The following MLLT3 variants were observed in gnomAD, a reference collection of about 807,000 sequenced individuals.
MLLT3 encodes the protein protein AF-9.
A neutral mutation model predicts 53.2 loss-of-function variants in MLLT3; 4 were observed. The observed-to-expected ratio is 0.08, with a 90% CI of 0.04 to 0.17. MLLT3 has a LOEUF of 0.17. Ranked by LOEUF, MLLT3 falls within the 10% of genes least tolerant of loss-of-function variation. The probability of loss-of-function intolerance (pLI) is 1.00; values close to 1 mark genes in which losing one functional copy is unlikely to be tolerated. For synonymous variants in MLLT3, 283 were observed against 230.6 expected, an observed-to-expected ratio of 1.23 and a Z score of -2.06; for missense variants, 569 against 684.0, an observed-to-expected ratio of 0.83 and a Z score of 1.87.
Position 20,454,610 on chromosome 9 carries a change from A to C in MLLT3, c.276+2094T>G, listed in dbSNP as rs150661357. ...AATTGCCTATTCTTTAATTTCTTTGAGTTAAGAACTTTGCTGGCTTGAAGG... is the reference window on the plus strand; with the variant it reads ...AATTGCCTATTCTTTAATTTCTTTGCGTTAAGAACTTTGCTGGCTTGAAGG... On this transcript the variant is annotated intron_variant, in intron 3 of 10. Transcript: ENST00000380338. 2.7e-3 allele frequency among the ~76,000 whole-genome samples: 408 copies of C among 152,314 alleles called. 2 individuals are homozygous for C. The highest frequency in any genetic ancestry group is 9.3e-3 in the African/African-American group (388 of 41,560).
intron 3 of MLLT3, among the ~76,000 whole-genome samples, chr9:20,452,313 G>C (rs1396803088): frequency 1.3e-5 from 2 of 152,136 alleles, no homozygotes; most frequent in Non-Finnish European, 2.9e-5. Context: ...TCTCATGATA[G>C]TAAGTGAGTT....
intron 2 of MLLT3, among the ~76,000 whole-genome samples, chr9:20,474,574 G>A (rs1306138913): frequency 1.3e-5 from 2 of 151,990 alleles, no homozygotes; most frequent in Non-Finnish European, 2.9e-5. Flanking sequence ...GAGACCCTGA[G>A]AGACACCCTT....
At chr9:20,390,852 C>T (rs138935296) in intron 5 of MLLT3, among the ~76,000 whole-genome samples, 2 of 152,252 alleles carry the variant, frequency 1.3e-5, no homozygotes, top group East Asian at 3.9e-4. Context: ...GTGGTGCAAG[C>T]CTGTAACCCC....
At chr9:20,392,285 A>G (rs541713098) in intron 5 of MLLT3, among the ~76,000 whole-genome samples, 3 of 152,278 alleles carry the variant, frequency 2.0e-5, no homozygotes, top group African/African-American at 7.2e-5. Context: ...TGCCCTCTGA[A>G]CTATATTTCT....
chr9:20,507,829 T>C (rs1313960950), intron 2 of MLLT3, among the ~76,000 whole-genome samples: 2 of 140,476 alleles, frequency 1.4e-5, no homozygotes, highest in African/African-American at 5.4e-5. Context: ...CATAATAGAA[T>C]AAAAGGAAAA....
At chr9:20,610,077 G>A (rs1315836398) in intron 2 of MLLT3, among the ~76,000 whole-genome samples, 1 of 152,060 alleles carries the variant, frequency 6.6e-6, no homozygotes, top group African/African-American at 2.4e-5. Flanking sequence ...AGTATTTTCA[G>A]AGCTGCAAAA....
intron 2 of MLLT3, among the ~76,000 whole-genome samples, chr9:20,518,185 A>C (rs530308784): frequency 1.3e-5 from 2 of 152,264 alleles, no homozygotes; most frequent in South Asian, 2.1e-4. Context: ...ATATCTACTA[A>C]AAATAAAAAA....
chr9:20,618,061 C>T lies in MLLT3; in HGVS notation c.193+2593G>A, dbSNP rs375971712. On this transcript the variant is annotated intron_variant, in intron 2 of 10. Transcript: ENST00000380338. ...AGTCCTAAGGCTCATCTCTGTTTAG[C>T]AGCTACTGTATACAGTGAAAGTGAT... is the stretch of plus-strand genomic sequence containing the variant. Among the ~76,000 whole-genome samples, 37 of 152,310 alleles carry T rather than the reference C, an allele frequency of 2.4e-4. 1 individual carries two copies. In the East Asian group the frequency reaches 6.2e-3, roughly 25 times the overall value.
intron 4 of MLLT3, among the ~76,000 whole-genome samples, chr9:20,424,293 T>A (rs985396005): frequency 6.6e-6 from 1 of 152,198 alleles, no homozygotes; most frequent in African/African-American, 2.4e-5. Flanking sequence ...TTGATAAACT[T>A]ATTAGTAGAG....
chr9:20,532,989 T>G (rs1188641936), intron 2 of MLLT3: 1 of 268,626 alleles, frequency 3.7e-6, no homozygotes, highest in African/African-American at 2.3e-5. Flanking sequence ...CATCACCACC[T>G]TGGTGGAGAA....
intron 2 of MLLT3, among the ~76,000 whole-genome samples, chr9:20,518,941 G>T (rs1817985166): frequency 6.6e-6 from 1 of 152,154 alleles, no homozygotes; most frequent in Non-Finnish European, 1.5e-5. Flanking sequence ...TCCTGATTTT[G>T]CTGACCCTGC....
intron 2 of MLLT3, among the ~76,000 whole-genome samples, chr9:20,581,091 A>G (rs1485902600): frequency 6.6e-6 from 1 of 152,196 alleles, no homozygotes; most frequent in East Asian, 1.9e-4. Flanking sequence ...CAGTGGATTC[A>G]TTTATAGTTT....
chr9:20,538,023 C>T (rs1818530182), intron 2 of MLLT3, among the ~76,000 whole-genome samples: 1 of 152,148 alleles, frequency 6.6e-6, no homozygotes, highest in Non-Finnish European at 1.5e-5. Flanking sequence ...GAAACCTCCA[C>T]TGACTTGAGA....
At chr9:20,595,870 C>T (rs1414936837) in intron 2 of MLLT3, among the ~76,000 whole-genome samples, 3 of 152,170 alleles carry the variant, frequency 2.0e-5, no homozygotes, top group Admixed American at 1.3e-4. Context: ...AATCTGTTAC[C>T]ATTTCTCTAC....
intron 4 of MLLT3, among the ~76,000 whole-genome samples, chr9:20,427,714 A>T (rs1823171522): frequency 6.6e-6 from 1 of 152,024 alleles, no homozygotes; most frequent in Admixed American, 6.6e-5. Context: ...ATCATGTATT[A>T]AAAAAAGAGC....
intron 2 of MLLT3, among the ~76,000 whole-genome samples, chr9:20,570,433 CACT>C (rs1819505445): frequency 6.6e-6 from 1 of 152,178 alleles, no homozygotes. Flanking sequence ...TAAACATAAA[CACT>C]ACACTTTCTA....
chr9:20,452,670 T>G (rs1006116502), intron 3 of MLLT3, among the ~76,000 whole-genome samples: 3 of 152,188 alleles, frequency 2.0e-5, no homozygotes, highest in Admixed American at 2.0e-4. Flanking sequence ...ACCTATTAAA[T>G]TTTTACCAAT....
chr9:20,493,474 T>A (rs1825004162), intron 2 of MLLT3, among the ~76,000 whole-genome samples: 1 of 152,044 alleles, frequency 6.6e-6, no homozygotes, highest in African/African-American at 2.4e-5. Flanking sequence ...GACAAGTCTT[T>A]AAGGAAAGGT....
At position 20,603,223 on chromosome 9, in the gene MLLT3, T is replaced by C. The variant is rs185963477; in HGVS notation, c.193+17431A>G. Among the ~76,000 whole-genome samples the C allele has an allele frequency of 1.1e-4, 17 of 152,156 alleles. No individual in the cohort carries two copies. The East Asian group carries it at 2.9e-3, about 26-fold the overall frequency. ...TTTATCCAAAGACATATAGCCACAT[T>C]GTTTTTCAAAATCTATATAATAAGC... is the stretch of plus-strand genomic sequence containing the variant. On this transcript the variant is annotated intron_variant, in intron 2 of 10. Coordinates refer to ENST00000380338, the MANE Select transcript of MLLT3 (RefSeq NM_004529.4).
Sources: gnomAD v4.1 joint callset for allele counts (sites outside exome capture counted in the v4.1 genomes callset) on GRCh38, gnomAD v4.1.1 for gene constraint, MANE v1.5 for transcripts, NCBI Gene and HGNC (gene_info 2026-07-23, HGNC 2026-07-21) for gene names.